Variants in AOPEP observed in about 807,000 individuals in gnomAD.
AOPEP encodes aminopeptidase O (putative), also known as aminopeptidase O.
AOPEP carries 77 observed loss-of-function variants against 98.1 expected under a neutral mutation model. The ratio of observed to expected loss-of-function variants is 0.78; its 90% CI spans 0.65 to 0.95. The LOEUF is 0.95. Ranked by LOEUF, AOPEP falls within the 40% of genes least tolerant of loss-of-function variation. The pLI is 0.00. For missense variants in AOPEP, 1,024 were observed against 1,024.7 expected, an observed-to-expected ratio of 1.00 and a Z score of 0.01; for synonymous variants, 346 against 365.3, an observed-to-expected ratio of 0.95 and a Z score of 0.60.
At chr9:94,768,065 T>G (rs1230015768) in intron 2 of AOPEP, among the ~76,000 whole-genome samples, 1 of 152,180 alleles carries the variant, frequency 6.6e-6, no homozygotes, top group Non-Finnish European at 1.5e-5. Flanking sequence ...TAAAAAAGAT[T>G]AGTGCAGAAA....
At chr9:95,005,073 G>A in intron 11 of AOPEP, 85 bp from the exon 12 acceptor site, 1 of 614,980 alleles carries the variant, frequency 1.6e-6, no homozygotes, top group Non-Finnish European at 2.1e-6. Flanking sequence ...GAGGTACGGG[G>A]CGGGCACGCC....
intron 13 of AOPEP, among the ~76,000 whole-genome samples, chr9:95,036,257 G>A (rs1027710342): frequency 1.3e-5 from 2 of 151,990 alleles, no homozygotes; most frequent in African/African-American, 4.8e-5. Context: ...GATTTCTCAG[G>A]ATATTTTAAA....
intron 14 of AOPEP, among the ~76,000 whole-genome samples, chr9:95,065,979 C>G (rs2067845869): frequency 1.3e-5 from 2 of 152,190 alleles, no homozygotes; most frequent in Admixed American, 1.3e-4. Context: ...GTCCCTTTGA[C>G]AGAGCATTAT....
At chr9:95,086,567 T>G in intron 16 of AOPEP, 115 bp from the exon 17 acceptor site, 1 of 996,196 alleles carries the variant, frequency 1.0e-6, no homozygotes. Context: ...CTTCTCCTTG[T>G]CCTGTGATTA....
intron 13 of AOPEP, among the ~76,000 whole-genome samples, chr9:95,026,335 T>A (rs531449212): frequency 6.6e-6 from 1 of 152,190 alleles, no homozygotes; most frequent in Admixed American, 6.5e-5. Context: ...CTGGCATCCA[T>A]CACTAATCAC....
At chr9:94,840,564 T>G (rs548367874) in intron 5 of AOPEP, among the ~76,000 whole-genome samples, 1 of 152,332 alleles carries the variant, frequency 6.6e-6, no homozygotes, top group Admixed American at 6.5e-5. Context: ...GAAGAGATTG[T>G]GTAGAATTGG....
chr9:94,986,331 C>T (rs1024714633), intron 11 of AOPEP, among the ~76,000 whole-genome samples: 2 of 152,172 alleles, frequency 1.3e-5, no homozygotes, highest in East Asian at 1.9e-4. Context: ...CCCTAAAGGC[C>T]GTAACTCCAA....
chr9:95,085,265 A>G (rs1165985173), intron 16 of AOPEP: 1 of 489,398 alleles, frequency 2.0e-6, no homozygotes, highest in African/African-American at 2.0e-5. Context: ...TAAGATTAAA[A>G]TCACATTGCC....
chr9:94,917,171 A>ACGTTCT (rs2052954260), intron 5 of AOPEP, among the ~76,000 whole-genome samples: 1 of 152,020 alleles, frequency 6.6e-6, no homozygotes, highest in African/African-American at 2.4e-5. Context: ...GGTCTCCACA[A>ACGTTCT]CGTTCTCTCG....
chr9:94,943,936 A>C (rs549569366), intron 7 of AOPEP, among the ~76,000 whole-genome samples: 4,875 of 145,482 alleles, frequency 0.034, 325 homozygotes, highest in African/African-American at 0.13. Flanking sequence ...AAAAAAAAAA[A>C]AAAAAAAAAA....
chr9:95,057,998 C>T (rs913015685), intron 13 of AOPEP, among the ~76,000 whole-genome samples: 3 of 152,172 alleles, frequency 2.0e-5, no homozygotes, highest in Non-Finnish European at 4.4e-5. Flanking sequence ...TTCCATCTCG[C>T]GGTCTTAAGT....
chr9:94,770,083 C>A (rs1453038881), intron 2 of AOPEP, among the ~76,000 whole-genome samples: 1 of 152,182 alleles, frequency 6.6e-6, no homozygotes, highest in Non-Finnish European at 1.5e-5. Flanking sequence ...GACATTTGAA[C>A]CCATTCATGG....
chr9:95,102,115 T>A, the AOPEP span, among the ~76,000 whole-genome samples: 2 of 152,158 alleles, frequency 1.3e-5, no homozygotes, highest in African/African-American at 4.8e-5. Context: ...CTTAGACTCA[T>A]AAAGGCCACA....
At chr9:94,982,565 CT>C (rs532615813) in intron 11 of AOPEP, among the ~76,000 whole-genome samples, 164 of 134,588 alleles carry the variant, frequency 1.2e-3, no homozygotes, top group South Asian at 6.6e-3. Flanking sequence ...AAGAGCAATA[CT>C]TTTTTTTTTT....
the AOPEP span, chr9:95,099,080 G>A: frequency 5.2e-6 from 1 of 190,616 alleles, no homozygotes; most frequent in Non-Finnish European, 1.1e-5. Context: ...GTTTTATTTA[G>A]AATGAAAAAA....
At chr9:94,916,219 C>T (rs2052769121) in intron 5 of AOPEP, among the ~76,000 whole-genome samples, 1 of 152,108 alleles carries the variant, frequency 6.6e-6, no homozygotes, top group Admixed American at 6.5e-5. Flanking sequence ...AACATCATCG[C>T]CCTGATTGGG....
chr9:95,092,221 T>G, the AOPEP span, among the ~76,000 whole-genome samples: 1 of 152,118 alleles, frequency 6.6e-6, no homozygotes. Context: ...TTTGTTGAGA[T>G]AAAACAAGGT....
At chr9:94,944,133 A>G (rs2057359502) in intron 7 of AOPEP, among the ~76,000 whole-genome samples, 1 of 152,178 alleles carries the variant, frequency 6.6e-6, no homozygotes, top group Non-Finnish European at 1.5e-5. Flanking sequence ...ACTTGGAAAA[A>G]TTGGAACCCT....
At chr9:95,049,561 G>T (rs2066155783) in intron 13 of AOPEP, among the ~76,000 whole-genome samples, 1 of 152,012 alleles carries the variant, frequency 6.6e-6, no homozygotes, top group African/African-American at 2.4e-5. Context: ...TGTAACTTCG[G>T]GAAGTTATAG....
Sources: gnomAD v4.1 joint callset for allele counts (sites outside exome capture counted in the v4.1 genomes callset) on GRCh38, gnomAD v4.1.1 for gene constraint, MANE v1.5 for transcripts, NCBI Gene and HGNC (gene_info 2026-07-23, HGNC 2026-07-21) for gene names.